ADAMTS17: variants seen among roughly 807,000 people sequenced by gnomAD.
ADAMTS17 encodes the protein A disintegrin and metalloproteinase with thrombospondin motifs 17.
ADAMTS17 carries 113 observed loss-of-function variants against 141.5 expected under a neutral mutation model. That is an observed-to-expected ratio of 0.80 (90% CI 0.69 to 0.93). The LOEUF (loss-of-function observed/expected upper bound fraction) is 0.93, where lower values mean the gene tolerates loss of function less well. Ranked by LOEUF, ADAMTS17 falls within the 40% of genes least tolerant of loss-of-function variation. The pLI is 0.00. For synonymous variants in ADAMTS17, 768 were observed against 630.6 expected (o/e 1.22, Z -3.27); for missense variants, 1,659 against 1,517.9 (o/e 1.09, Z -1.54).
At chr15:100,051,761 T>A in intron 16 of ADAMTS17, 30 bp from the exon 17 acceptor site, 1 of 1,614,078 alleles carries the variant, frequency 6.2e-7, no homozygotes, top group African/African-American at 1.3e-5. Flanking sequence ...AAAGGCCATT[T>A]TGAAAAGGAA....
At chr15:100,116,132 T>TAAAAAAAAAAAAAAAAAAAA (rs34003703) in intron 13 of ADAMTS17, among the ~76,000 whole-genome samples, 4 of 84,788 alleles carry the variant, frequency 4.7e-5, no homozygotes, top group East Asian at 3.8e-4. Context: ...CAGTTTTAGG[T>TAAAAAAAAAAAAAAAAAAAA]AAAAAAAAAA....
chr15:100,074,642 C>G (rs1228078733), intron 15 of ADAMTS17, among the ~76,000 whole-genome samples: 1 of 151,990 alleles, frequency 6.6e-6, no homozygotes. Flanking sequence ...ATATTTAGAA[C>G]TTTTGCAAAA....
intron 4 of ADAMTS17, among the ~76,000 whole-genome samples, chr15:100,272,902 A>G (rs1247135771): frequency 6.6e-6 from 1 of 152,186 alleles, no homozygotes; most frequent in African/African-American, 2.4e-5. Context: ...TTTTATCATG[A>G]AAGGCTGCTC....
intron 15 of ADAMTS17, among the ~76,000 whole-genome samples, chr15:100,089,764 A>T (rs533681695): frequency 0.011 from 1,669 of 148,662 alleles, 37 homozygotes; most frequent in African/African-American, 0.04. Context: ...TTCTCACTCA[A>T]AGGTGGGAAT....
At chr15:100,292,077 C>T (rs1426397959) in intron 3 of ADAMTS17, among the ~76,000 whole-genome samples, 6 of 133,426 alleles carry the variant, frequency 4.5e-5, no homozygotes, top group African/African-American at 8.9e-5. Context: ...ACGCTCAGCC[C>T]GTGGGGAGTC....
chr15:100,037,946 A>ATTT (rs201512296), intron 18 of ADAMTS17, among the ~76,000 whole-genome samples: 5 of 140,190 alleles, frequency 3.6e-5, no homozygotes, highest in African/African-American at 1.0e-4. Flanking sequence ...CTAATTTTGT[A>ATTT]TTTTTTTTTT....
At chr15:100,216,874 G>A (rs761003630) in intron 7 of ADAMTS17, among the ~76,000 whole-genome samples, 8 of 152,186 alleles carry the variant, frequency 5.3e-5, no homozygotes, top group Non-Finnish European at 8.8e-5. Flanking sequence ...GATTAGATTC[G>A]AAACACACAT....
chr15:100,171,294 T>C (rs1596178675), intron 8 of ADAMTS17, among the ~76,000 whole-genome samples: 1 of 152,164 alleles, frequency 6.6e-6, no homozygotes, highest in Non-Finnish European at 1.5e-5. Context: ...TCCTTCCTTC[T>C]TTAAGACCCA....
intron 8 of ADAMTS17, among the ~76,000 whole-genome samples, chr15:100,183,340 AT>A (rs1197888206): frequency 1.3e-5 from 2 of 151,940 alleles, no homozygotes; most frequent in South Asian, 2.1e-4. Context: ...GGCCCAGCTC[AT>A]TTTTTTTCCA....
intron 8 of ADAMTS17, among the ~76,000 whole-genome samples, chr15:100,183,439 T>A (rs2040594536): frequency 1.3e-5 from 2 of 152,238 alleles, no homozygotes; most frequent in Admixed American, 1.3e-4. Context: ...CTAAATTCCA[T>A]CCAATGAGAA....
chr15:100,294,420 T>A (rs1214889551), intron 3 of ADAMTS17, among the ~76,000 whole-genome samples: 2 of 151,798 alleles, frequency 1.3e-5, no homozygotes, highest in South Asian at 4.2e-4. Context: ...ACAAAAAAAA[T>A]GAATTGGAAC....
At chr15:100,258,434 T>C (rs2141982200) in intron 6 of ADAMTS17, among the ~76,000 whole-genome samples, 1 of 152,348 alleles carries the variant, frequency 6.6e-6, no homozygotes, top group African/African-American at 2.4e-5. Flanking sequence ...GATAAAGACA[T>C]ACTCAAGACT....
intron 12 of ADAMTS17, among the ~76,000 whole-genome samples, chr15:100,123,052 C>T (rs1001269149): frequency 6.6e-6 from 1 of 152,188 alleles, no homozygotes; most frequent in African/African-American, 2.4e-5. Flanking sequence ...GACAGAAGTT[C>T]TGGGGGAGGA....
rs139547016 is a variant in ADAMTS17 at position 100,143,926 on chromosome 15, C to T, written c.1473+8686G>A. Among the ~76,000 whole-genome samples the T allele has an allele frequency of 4.9e-3, 747 of 152,296 alleles. 5 individuals are homozygous for T. Among genetic ancestry groups the T allele is most frequent in the Middle Eastern group, 0.02 (6 of 294 alleles). On this transcript the variant is annotated intron_variant, in intron 10 of 21. Coordinates refer to ENST00000268070, the MANE Select transcript of ADAMTS17 (RefSeq NM_139057.4). ...CTATGAATTGCGAGTGGCAGAAGAA[C>T]ATACAGAGAGGACCAGTCAGAAAGA...
At chr15:100,251,761 G>A (rs965415530) in intron 7 of ADAMTS17, among the ~76,000 whole-genome samples, 3 of 152,182 alleles carry the variant, frequency 2.0e-5, no homozygotes, top group African/African-American at 7.2e-5. Context: ...GCTAATTAAG[G>A]TTATGTGAGG....
At chr15:100,341,723 T>C (rs2046372779) in intron 1 of ADAMTS17, 98 bp downstream of exon 1, 1 of 1,431,470 alleles carries the variant, frequency 7.0e-7, no homozygotes, top group African/African-American at 1.5e-5. Context: ...CCGTCAGCGG[T>C]CCCGCCGCCG....
At chr15:100,262,232 CCA>C in intron 5 of ADAMTS17, 118 bp downstream of exon 5, 1 of 892,270 alleles carries the variant, frequency 1.1e-6, no homozygotes, top group South Asian at 1.5e-5. Context: ...GCTGGCAAAG[CCA>C]CAGAGAGTGA....
intron 18 of ADAMTS17, among the ~76,000 whole-genome samples, chr15:100,013,738 T>G (rs758716148): frequency 2.0e-5 from 3 of 152,224 alleles, no homozygotes; most frequent in African/African-American, 7.2e-5. Context: ...TGAAATCCAC[T>G]TGATCATGGT....
At chr15:100,287,199 A>G (rs2142105178) in intron 3 of ADAMTS17, among the ~76,000 whole-genome samples, 1 of 152,318 alleles carries the variant, frequency 6.6e-6, no homozygotes, top group South Asian at 2.1e-4. Context: ...AAGAAAAAAC[A>G]AAAAAGATCT....
Sources: allele counts gnomAD v4.1 joint callset (sites outside exome capture counted in the v4.1 genomes callset), GRCh38; gene constraint gnomAD v4.1.1; transcripts MANE v1.5; gene names NCBI Gene and HGNC (gene_info 2026-07-23, HGNC 2026-07-21).